The following SRCAP variants were observed in gnomAD, a reference collection of about 807,000 sequenced individuals.
The protein encoded by SRCAP is Snf2 related CREBBP activator protein, also known as chromatin remodeling protein SRCAP.
In SRCAP, 46 loss-of-function variants were observed where a neutral mutation model predicts 263.1. The ratio of observed to expected loss-of-function variants is 0.17; its 90% confidence interval spans 0.14 to 0.22. SRCAP has a LOEUF of 0.22. Ranked by LOEUF, SRCAP falls within the 10% of genes least tolerant of loss-of-function variation. SRCAP has a pLI of 1.00. For synonymous variants in SRCAP, 1,813 were observed against 1,662.1 expected (o/e 1.09, Z -2.21); for missense variants, 3,695 against 4,181.9 (o/e 0.88, Z 3.21).
In SRCAP at chr16:30,707,844, T is replaced by C. The variant is rs181922670; in HGVS notation, c.633+132T>C. 8 of 1,243,136 alleles carry C rather than the reference T, an allele frequency of 6.4e-6. No homozygotes were observed. In the East Asian group the frequency reaches 1.7e-4, roughly 26 times the overall value. 77.0% of individuals were successfully genotyped at this position (1,243,136 alleles called of 1,614,324 possible). A position where few individuals can be genotyped will look rare whatever the true frequency, so the allele number is the denominator to read the frequency against. ...CAACTCTAATGACGTTTATGTTGTATGGATAAAAAAGTATAGTGGCAAAAT... is the reference window on the plus strand; with the variant it reads ...CAACTCTAATGACGTTTATGTTGTACGGATAAAAAAGTATAGTGGCAAAAT... On this transcript the variant is annotated intron_variant, in intron 6 of 33. Transcript: ENST00000262518.
In SRCAP at chr16:30,704,190, C is replaced by G. The variant is rs1033313786; in HGVS notation, c.181C>G (p.Pro61Ala). 2 of 1,614,052 alleles carry G rather than the reference C, an allele frequency of 1.2e-6. No individual in the cohort carries two copies. The highest frequency in any genetic ancestry group is 2.7e-5 in the African/African-American group (2 of 74,922). ...IAQDSSLDGPPGPPDGATVPL... is the reference protein window; with the variant it reads ...IAQDSSLDGPAGPPDGATVPL... The stretch of plus-strand genomic sequence containing the variant: ...TCAAGATTCCTCACTGGATGGACCT[C>G]CAGGCCCCCCAGATGGTGCCACAGT... The change falls in exon 4 of 34, where the codon CCA (proline) becomes GCA (alanine). Residue 61 changes from proline to alanine, a missense_variant. By Grantham distance (27) the Pro-to-Ala change is conservative (BLOSUM62 -1). Transcript: ENST00000262518.
intron 18 of SRCAP, among the ~76,000 whole-genome samples, 159 bp from the exon 19 acceptor site, chr16:30,720,003 T>C (rs984305235): frequency 3.9e-5 from 6 of 152,246 alleles, no homozygotes; most frequent in Admixed American, 2.0e-4. Context: ...TGTCCATGCG[T>C]ACCCAATGTT....
rs574897724 is a variant in SRCAP, at chr16:30,715,701, C to T, written c.2494-365C>T. 6.4e-4 allele frequency among the ~76,000 whole-genome samples: 97 copies of T among 152,250 alleles called. 1 individual carries two copies. The highest frequency in any genetic ancestry group is 1.9e-3 in the African/African-American group (77 of 41,542). ...TATTAGATTTTATCTTCTGAGATTA[C>T]AGATTTGCCTTTTGTTTTATCTCCT... On this transcript the variant is annotated intron_variant, in intron 16 of 33. Transcript: ENST00000262518.
In SRCAP at chr16:30,700,858, C is replaced by G; in HGVS notation, c.34C>G (p.Leu12Val). 6.2e-7 allele frequency: 1 copy of G among 1,614,180 alleles called. No homozygotes were observed. The highest frequency in any genetic ancestry group is 8.5e-7 in the Non-Finnish European group (1 of 1,180,000). The change falls in exon 3 of 34, where the codon CTC (leucine) becomes GTC (valine). Residue 12 changes from leucine to valine, a missense_variant. Coordinates refer to ENST00000262518, the MANE Select transcript of SRCAP (RefSeq NM_006662.3). Reference protein sequence around the residue: ...QSSPSPAHPQLPVLQTQMVSD... With the variant: ...QSSPSPAHPQVPVLQTQMVSD... ...CAGCCCCTCCCCTGCTCACCCTCAGCTCCCAGTCCTACAGACACAGGTTTG... is the reference window on the plus strand; with the variant it reads ...CAGCCCCTCCCCTGCTCACCCTCAGGTCCCAGTCCTACAGACACAGGTTTG...
chr16:30,709,449 T>C, intron 6 of SRCAP, 64 bp from the exon 7 acceptor site: 7 of 1,574,200 alleles, frequency 4.4e-6, no homozygotes, highest in Non-Finnish European at 6.1e-6. Context: ...TCCCTAAACA[T>C]CGGGTAAAAG....
chr16:30,710,079 G>T lies in SRCAP; in HGVS notation c.1085G>T (p.Arg362Leu). ...QTPSSHDSDT[R>L]DGPEEGAEEE... The stretch of plus-strand genomic sequence containing the variant: ...CCCTCATCTCATGATAGTGACACCC[G>T]AGATGGGCCTGAAGAAGGTGCTGAA... Residue 362 changes from arginine (R) to leucine (L), a missense_variant, in exon 8 of 34, where the codon CGA becomes CTA. Around this residue, in one of 12 missense-constraint regions of SRCAP, gnomAD observed 288 missense variants for 302.4 expected, o/e 0.95. Transcript: ENST00000262518. The T allele has an allele frequency of 6.2e-7, 1 of 1,614,132 alleles. No homozygotes were observed. Among genetic ancestry groups the T allele is most frequent in the Non-Finnish European group, 8.5e-7 (1 of 1,180,020 alleles).
rs748270570 is a variant in SRCAP at position 30,722,594 on chromosome 16, G to A, written c.3738G>A (p.Gly1246=). The change falls in exon 23 of 34, where the codon GGG becomes GGA. Residue 1246 remains glycine, a synonymous_variant. Coordinates refer to ENST00000262518, the MANE Select transcript of SRCAP (RefSeq NM_006662.3). ...RNVVHLVSAG[G]QHHLISQPAH... is the part of the protein sequence containing the mutation. ...TGGTGCACCTCGTGTCAGCAGGGGG[G>A]CAGCACCATCTCATCAGCCAGCCTG... 2 of 1,614,052 alleles carry A rather than the reference G, an allele frequency of 1.2e-6. No homozygotes were observed. Among genetic ancestry groups the A allele is most frequent in the East Asian group, 4.5e-5 (2 of 44,866 alleles).
In SRCAP at chr16:30,707,713, G is replaced by A. The variant is rs2052843128; in HGVS notation, c.633+1G>A. ...GCAGTTCTGGAGCAATGTGGAGAAG[G>A]TAGACAGTGGGGATCAGGAAAGGAA... On this transcript the variant is annotated splice_donor_variant, in intron 6 of 33. Transcript: ENST00000262518. LOFTEE classifies it high-confidence loss of function. 6.2e-7 allele frequency: 1 copy of A among 1,614,096 alleles called. No homozygotes were observed. The highest frequency in any genetic ancestry group is 8.5e-7 in the Non-Finnish European group (1 of 1,180,036).
Position 30,724,019 on chromosome 16 carries a change from C to T in SRCAP, c.4595C>T (p.Ser1532Leu). ...GHPLLLAPTS[S>L]HVPGLNSTVA... ...CCTCTGTTGTTGGCTCCCACCTCTT[C>T]ACATGTTCCAGGGTTGAACTCAACC... The change falls in exon 25 of 34, where the codon TCA becomes TTA. Residue 1532 changes from serine to leucine, a missense_variant. Ser to Leu is a moderately radical substitution (Grantham distance 145, BLOSUM62 -2). Coordinates refer to ENST00000262518, the MANE Select transcript of SRCAP (RefSeq NM_006662.3). 1 of 1,614,046 alleles carries T rather than the reference C, an allele frequency of 6.2e-7. No individual in the cohort carries two copies. The highest frequency in any genetic ancestry group is 8.5e-7 in the Non-Finnish European group (1 of 1,180,016).
chr16:30,721,719 T>C (rs1038375351), intron 21 of SRCAP, among the ~76,000 whole-genome samples: 2 of 152,214 alleles, frequency 1.3e-5, no homozygotes, highest in South Asian at 2.1e-4. Context: ...AGCTAACATA[T>C]GTTAGGCATT....
In SRCAP at chr16:30,722,630, C is replaced by T. The variant is rs773483331; in HGVS notation, c.3774C>T (p.Ala1258=). Residue 1258 remains alanine, a synonymous_variant, in exon 23 of 34, where the codon GCC becomes GCT. Transcript: ENST00000262518. ...HHLISQPAHV[A]LIQAVAPTPG... The stretch of plus-strand genomic sequence containing the variant: ...TCATCAGCCAGCCTGCCCATGTGGC[C>T]CTCATCCAGGCCGTGGCCCCGACCC... 6.8e-6 allele frequency: 11 copies of T among 1,613,956 alleles called. No individual in the cohort carries two copies. The East Asian group carries it at 2.0e-4, about 29-fold the overall frequency.
rs1369782251 is a variant in SRCAP, at chr16:30,712,273, C to T, written c.1827C>T (p.Pro609=). 6.3e-7 allele frequency: 1 copy of T among 1,595,964 alleles called. No homozygotes were observed. Among genetic ancestry groups the T allele is most frequent in the Non-Finnish European group, 8.5e-7 (1 of 1,171,122 alleles). The change falls in exon 13 of 34, where the codon CCC becomes CCT. Residue 609 remains proline (P), a synonymous_variant. Transcript: ENST00000262518. ...TTCCTCTCTGACAGGTAAAGACGCC[C>T]ATTCCCCTGCTTCTGCGGGGCCAGC... is the stretch of plus-strand genomic sequence containing the variant. ...YTLATTQVKT[P]IPLLLRGQLR...
intron 31 of SRCAP, among the ~76,000 whole-genome samples, chr16:30,735,216 G>A (rs1389480619): frequency 1.5e-5 from 2 of 136,918 alleles, no homozygotes; most frequent in East Asian, 2.1e-4. Flanking sequence ...GCGGGATCTC[G>A]GCTCACTGCA....
At chr16:30,730,506 A>C (rs547360468) in intron 27 of SRCAP, among the ~76,000 whole-genome samples, 97 of 151,692 alleles carry the variant, frequency 6.4e-4, no homozygotes, top group African/African-American at 2.3e-3. Flanking sequence ...ATCTCGGCTC[A>C]CTGCAACTTC....
rs1596648861 is a variant in SRCAP, at chr16:30,713,860, C to G, written c.2493+149C>G. 8.9e-6 allele frequency: 6 copies of G among 673,540 alleles called. No homozygotes were observed. The South Asian group carries it at 1.1e-4, about 13-fold the overall frequency. 41.7% of individuals were successfully genotyped at this position (673,540 alleles called of 1,614,324 possible). A position where few individuals can be genotyped will look rare whatever the true frequency, so the allele number is the denominator to read the frequency against. Reference sequence around the variant, plus strand: ...AGCTGCAGTGTTCTAGTGACTAACCCATTGCCAGATTGAGTGACCTCATCT... The same window carrying G: ...AGCTGCAGTGTTCTAGTGACTAACCGATTGCCAGATTGAGTGACCTCATCT... On this transcript the variant is annotated intron_variant, in intron 16 of 33. Coordinates refer to ENST00000262518, the MANE Select transcript of SRCAP (RefSeq NM_006662.3).
At chr16:30,703,093 G>T (rs1485821845) in intron 3 of SRCAP, among the ~76,000 whole-genome samples, 1 of 151,334 alleles carries the variant, frequency 6.6e-6, no homozygotes, top group African/African-American at 2.4e-5. Context: ...ATAGGGAGTT[G>T]TTTATGTGCA....
At chr16:30,734,060 G>C in intron 30 of SRCAP, 52 bp downstream of exon 30, 1 of 1,467,700 alleles carries the variant, frequency 6.8e-7, no homozygotes. Context: ...TGCGCCTTCA[G>C]GAGTTCCTCC....
At chr16:30,706,439 T>G (rs1189411418) in intron 4 of SRCAP, among the ~76,000 whole-genome samples, 2 of 152,140 alleles carry the variant, frequency 1.3e-5, no homozygotes, top group African/African-American at 4.8e-5. Flanking sequence ...CACTCAGATT[T>G]CTGAGTGAGA....
intron 3 of SRCAP, among the ~76,000 whole-genome samples, chr16:30,703,553 A>G (rs949604825): frequency 2.0e-5 from 3 of 151,774 alleles, no homozygotes; most frequent in African/African-American, 4.8e-5. Flanking sequence ...TAATTCTTGC[A>G]TGTCAAGCAT....
Sources: gnomAD v4.1 joint callset for allele counts (sites outside exome capture counted in the v4.1 genomes callset) on GRCh38, gnomAD v4.1.1 for gene constraint, gnomAD v4.1.1 regional missense constraint, MANE v1.5 for transcripts, NCBI Gene and HGNC (gene_info 2026-07-23, HGNC 2026-07-21) for gene names.